The following MAP2K1 variants were observed in gnomAD, a reference collection of about 807,000 sequenced individuals.
MAP2K1 encodes the protein dual specificity mitogen-activated protein kinase kinase 1.
A neutral mutation model predicts 46.3 loss-of-function variants in MAP2K1; 16 were observed. The ratio of observed to expected loss-of-function variants is 0.35; its 90% CI spans 0.23 to 0.52. MAP2K1 has a LOEUF of 0.52. Ranked by LOEUF, MAP2K1 falls within the 20% of genes least tolerant of loss-of-function variation. The pLI is 0.94. For synonymous variants in MAP2K1, 183 were observed against 185.6 expected, an observed-to-expected ratio of 0.99 and a Z score of 0.11; for missense variants, 263 against 497.1, an observed-to-expected ratio of 0.53 and a Z score of 4.48.
At chr15:66,489,381 C>T (rs1384749622) in intron 9 of MAP2K1, 105 bp downstream of exon 9, 1 of 1,085,534 alleles carries the variant, frequency 9.2e-7, no homozygotes, top group East Asian at 2.4e-5. Flanking sequence ...GAGTTTTGCC[C>T]TTTACCCTCC....
chr15:66,488,526 A>C (rs1893128611), intron 8 of MAP2K1: 1 of 153,268 alleles, frequency 6.5e-6, no homozygotes, highest in Admixed American at 6.5e-5. Context: ...CATTTCCTGG[A>C]CTGCATGGAA....
At chr15:66,419,189 A>T in intron 1 of MAP2K1, among the ~76,000 whole-genome samples, 1 of 149,688 alleles carries the variant, frequency 6.7e-6, no homozygotes. Flanking sequence ...AAACTCCATC[A>T]CTTTTCCTTT....
intron 1 of MAP2K1, among the ~76,000 whole-genome samples, chr15:66,392,888 C>G (rs983607659): frequency 2.6e-5 from 4 of 152,080 alleles, no homozygotes; most frequent in Non-Finnish European, 2.9e-5. Flanking sequence ...GTTTTGAGCT[C>G]TATTCATGAT....
At chr15:66,421,928 A>G (rs2093444740) in intron 1 of MAP2K1, among the ~76,000 whole-genome samples, 1 of 147,092 alleles carries the variant, frequency 6.8e-6, no homozygotes, top group Non-Finnish European at 1.5e-5. Flanking sequence ...ATTCTAGACC[A>G]GTTTGAGCCT....
intron 1 of MAP2K1, among the ~76,000 whole-genome samples, chr15:66,430,925 C>T (rs2140571479): frequency 6.6e-6 from 1 of 152,290 alleles, no homozygotes. Context: ...TCTGCATTCC[C>T]ATTCAAACCT....
intron 5 of MAP2K1, among the ~76,000 whole-genome samples, chr15:66,465,405 A>G (rs1306698517): frequency 1.3e-5 from 2 of 152,112 alleles, no homozygotes; most frequent in Non-Finnish European, 2.9e-5. Flanking sequence ...GGCTGCATGC[A>G]CTGGTAATCA....
intron 5 of MAP2K1, among the ~76,000 whole-genome samples, chr15:66,477,948 G>A (rs1892796775): frequency 6.6e-6 from 1 of 152,156 alleles, no homozygotes; most frequent in African/African-American, 2.4e-5. Flanking sequence ...CCTCTGAGGG[G>A]CCATGGGCAT....
At chr15:66,455,062 A>G (rs1363132120) in intron 5 of MAP2K1, among the ~76,000 whole-genome samples, 2 of 152,052 alleles carry the variant, frequency 1.3e-5, no homozygotes, top group African/African-American at 2.4e-5. Flanking sequence ...TGCTGGGCCA[A>G]CTGTCCTCTC....
At chr15:66,421,191 A>G (rs1403736165) in intron 1 of MAP2K1, among the ~76,000 whole-genome samples, 2 of 151,406 alleles carry the variant, frequency 1.3e-5, no homozygotes, top group East Asian at 3.9e-4. Context: ...ACTGGAGTGC[A>G]GTAGTGTGGT....
At chr15:66,388,300 C>G (rs988001804) in intron 1 of MAP2K1, among the ~76,000 whole-genome samples, 20 of 152,194 alleles carry the variant, frequency 1.3e-4, no homozygotes, top group African/African-American at 4.1e-4. Flanking sequence ...AGGTAAGGGA[C>G]AAGACTATGT....
At chr15:66,475,744 G>A (rs1567022819) in intron 5 of MAP2K1, among the ~76,000 whole-genome samples, 5 of 152,162 alleles carry the variant, frequency 3.3e-5, no homozygotes, top group Non-Finnish European at 4.4e-5. Flanking sequence ...AATTTAGAAC[G>A]AGTCCACGGG....
At chr15:66,426,909 T>A (rs1434027872) in intron 1 of MAP2K1, among the ~76,000 whole-genome samples, 1 of 152,258 alleles carries the variant, frequency 6.6e-6, no homozygotes, top group Non-Finnish European at 1.5e-5. Context: ...TGTGCTTTTC[T>A]GCAAGCATAG....
At chr15:66,404,342 T>A (rs1355178255) in intron 1 of MAP2K1, among the ~76,000 whole-genome samples, 2 of 152,086 alleles carry the variant, frequency 1.3e-5, no homozygotes, top group Non-Finnish European at 2.9e-5. Flanking sequence ...ACAGAGTGAG[T>A]GAGACTCTGT....
At chr15:66,483,406 T>C (rs1403466668) in intron 6 of MAP2K1, among the ~76,000 whole-genome samples, 1 of 152,188 alleles carries the variant, frequency 6.6e-6, no homozygotes, top group African/African-American at 2.4e-5. Flanking sequence ...CCTGGGCCAT[T>C]TGACTGCCAA....
chr15:66,428,266 TTGTGCGTGTG>T (rs2093464724), intron 1 of MAP2K1, among the ~76,000 whole-genome samples: 1 of 124,878 alleles, frequency 8.0e-6, no homozygotes, highest in African/African-American at 3.0e-5. Flanking sequence ...CCAACAGCAG[TTGTGCGTGTG>T]TGTGTGTGTG....
chr15:66,406,404 G>T (rs1053458285), intron 1 of MAP2K1, among the ~76,000 whole-genome samples: 1 of 152,212 alleles, frequency 6.6e-6, no homozygotes, highest in East Asian at 1.9e-4. Context: ...ATACACTCCA[G>T]TGTCTAAATG....
chr15:66,437,323 C>T (rs913341561), intron 3 of MAP2K1, among the ~76,000 whole-genome samples: 11 of 152,156 alleles, frequency 7.2e-5, no homozygotes, highest in Non-Finnish European at 1.6e-4. Flanking sequence ...GTATGATGCA[C>T]GTTAGTGGAA....
chr15:66,436,661 G>A (rs2140582654), intron 2 of MAP2K1, 85 bp from the exon 3 acceptor site: 2 of 1,346,418 alleles, frequency 1.5e-6, no homozygotes, highest in Non-Finnish European at 1.1e-6. Flanking sequence ...ACCTTAAAGA[G>A]CTTAAACATT....
At chr15:66,466,621 A>C (rs1477856815) in intron 5 of MAP2K1, among the ~76,000 whole-genome samples, 14 of 152,300 alleles carry the variant, frequency 9.2e-5, no homozygotes. Flanking sequence ...TGGAGGTTGC[A>C]ATGAGCTGAG....
Sources: gnomAD v4.1 joint callset for allele counts (sites outside exome capture counted in the v4.1 genomes callset) on GRCh38, gnomAD v4.1.1 for gene constraint, MANE v1.5 for transcripts, NCBI Gene and HGNC (gene_info 2026-07-23, HGNC 2026-07-21) for gene names.